The following TBC1D1 variants were observed in gnomAD, a reference collection of about 807,000 sequenced individuals.
The protein encoded by TBC1D1 is TBC1 domain family member 1, also known as TBC1 (tre-2/USP6, BUB2, cdc16) domain family, member 1.
TBC1D1 carries 89 observed loss-of-function variants against 125.6 expected under a neutral mutation model. That is an observed-to-expected ratio of 0.71 (90% CI 0.60 to 0.85). TBC1D1 has a LOEUF of 0.85. TBC1D1 is among the 40% of genes least tolerant of loss of function. The pLI is 0.00. For missense variants in TBC1D1, 1,377 were observed against 1,469.2 expected (o/e 0.94, Z 1.03); for synonymous variants, 565 against 564.1 (o/e 1.00, Z -0.02).
chr4:38,005,011 A>C (rs114745150), intron 2 of TBC1D1, among the ~76,000 whole-genome samples: 1 of 151,566 alleles, frequency 6.6e-6, no homozygotes, highest in African/African-American at 2.4e-5. Flanking sequence ...AGGGAGGGGG[A>C]GGGAGAGAGC....
At chr4:38,012,463 C>T (rs1438450092) in intron 2 of TBC1D1, among the ~76,000 whole-genome samples, 1 of 152,116 alleles carries the variant, frequency 6.6e-6, no homozygotes, top group Non-Finnish European at 1.5e-5. Flanking sequence ...TGTATAGAGA[C>T]GAGGTCTCGC....
At chr4:37,910,954 G>T (rs527671179) in intron 2 of TBC1D1, among the ~76,000 whole-genome samples, 4 of 151,122 alleles carry the variant, frequency 2.6e-5, no homozygotes, top group East Asian at 3.9e-4. Flanking sequence ...AAAAATAAAA[G>T]ATATTTTAAA....
chr4:37,957,140 G>A (rs1208813061), intron 2 of TBC1D1, among the ~76,000 whole-genome samples: 1 of 152,086 alleles, frequency 6.6e-6, no homozygotes, highest in Non-Finnish European at 1.5e-5. Context: ...GAGAACATAA[G>A]CCCCTCATGA....
At chr4:38,066,828 A>G (rs1412627136) in intron 12 of TBC1D1, among the ~76,000 whole-genome samples, 2 of 152,236 alleles carry the variant, frequency 1.3e-5, no homozygotes, top group Non-Finnish European at 2.9e-5. Flanking sequence ...TGAATTTGTT[A>G]TATCACTTCT....
chr4:37,937,200 G>A (rs1311903179), intron 2 of TBC1D1, among the ~76,000 whole-genome samples: 5 of 152,186 alleles, frequency 3.3e-5, no homozygotes, highest in Admixed American at 2.6e-4. Context: ...CTTCGAGACT[G>A]AGAGTCCCAG....
intron 12 of TBC1D1, among the ~76,000 whole-genome samples, chr4:38,063,799 TTA>T (rs1431606791): frequency 2.0e-5 from 3 of 152,190 alleles, no homozygotes; most frequent in Non-Finnish European, 2.9e-5. Flanking sequence ...TGGCTAATTT[TTA>T]TATGTTTACT....
At chr4:37,946,120 T>C (rs189449630) in intron 2 of TBC1D1, among the ~76,000 whole-genome samples, 6 of 152,282 alleles carry the variant, frequency 3.9e-5, no homozygotes, top group Admixed American at 3.9e-4. Context: ...AAAGCAATGA[T>C]CTTTGATATT....
chr4:38,027,531 A>G (rs1745296394), intron 6 of TBC1D1, among the ~76,000 whole-genome samples: 1 of 152,130 alleles, frequency 6.6e-6, no homozygotes, highest in African/African-American at 2.4e-5. Flanking sequence ...GGGGAGGCTG[A>G]AGTGGGAGGA....
chr4:38,132,973 A>G, intron 18 of TBC1D1, 111 bp from the exon 21 acceptor site: 1 of 811,986 alleles, frequency 1.2e-6, no homozygotes, highest in Non-Finnish European at 1.9e-6. Context: ...TGTAGAGCTA[A>G]GCGTAGAGGA....
intron 2 of TBC1D1, among the ~76,000 whole-genome samples, chr4:37,926,117 C>T (rs898840317): frequency 6.6e-6 from 1 of 152,214 alleles, no homozygotes; most frequent in Non-Finnish European, 1.5e-5. Flanking sequence ...TTGGAAGGAA[C>T]ATGTGTACTT....
At chr4:38,013,702 G>A (rs1480369718) in intron 2 of TBC1D1, among the ~76,000 whole-genome samples, 1 of 152,204 alleles carries the variant, frequency 6.6e-6, no homozygotes, top group Non-Finnish European at 1.5e-5. Flanking sequence ...AATGATGAGA[G>A]GATGTAGCAG....
intron 10 of TBC1D1, among the ~76,000 whole-genome samples, chr4:38,047,146 C>T (rs555010946): frequency 6.6e-6 from 1 of 152,274 alleles, no homozygotes; most frequent in South Asian, 2.1e-4. Context: ...TTTTAAAATG[C>T]TCATGGCAAA....
At chr4:37,938,648 A>C (rs542299627) in intron 2 of TBC1D1, among the ~76,000 whole-genome samples, 3 of 152,154 alleles carry the variant, frequency 2.0e-5, no homozygotes, top group Non-Finnish European at 4.4e-5. Flanking sequence ...CGTCATTTAC[A>C]TTAGGTATAT....
intron 2 of TBC1D1, among the ~76,000 whole-genome samples, chr4:38,004,410 A>G (rs1739667375): frequency 6.6e-6 from 1 of 152,224 alleles, no homozygotes; most frequent in South Asian, 2.1e-4. Context: ...CTGGCAGTTT[A>G]TGCAAAGGTT....
rs192322356 is a variant in TBC1D1 at position 37,913,639 on chromosome 4, A to G, written c.417+11127A>G. On this transcript the variant is annotated intron_variant, in intron 2 of 19. Transcript: ENST00000261439. ...TATATATATGTGTGTATATATATAT[A>G]TGTGTGTGTGTGTGTATATATATAT... is the stretch of plus-strand genomic sequence containing the variant. 4.8e-4 allele frequency among the ~76,000 whole-genome samples: 73 copies of G among 150,536 alleles called. No homozygotes were observed. In the East Asian group the frequency reaches 6.0e-3, roughly 12 times the overall value.
intron 2 of TBC1D1, among the ~76,000 whole-genome samples, chr4:37,980,825 G>A (rs1420353389): frequency 6.6e-6 from 1 of 152,078 alleles, no homozygotes; most frequent in African/African-American, 2.4e-5. Flanking sequence ...GGTACTTTTT[G>A]TATATAAGCA....
chr4:38,005,668 G>T (rs1255398591), intron 2 of TBC1D1, among the ~76,000 whole-genome samples: 1 of 152,190 alleles, frequency 6.6e-6, no homozygotes, highest in Non-Finnish European at 1.5e-5. Flanking sequence ...TAGAAATGAA[G>T]TCCTGCCCTC....
intron 13 of TBC1D1, among the ~76,000 whole-genome samples, chr4:38,090,917 T>C (rs1052016354): frequency 6.6e-6 from 1 of 152,248 alleles, no homozygotes; most frequent in African/African-American, 2.4e-5. Flanking sequence ...TCATTCTTGA[T>C]TGCAAATTTT....
chr4:38,083,135 C>T (rs1375064859), intron 12 of TBC1D1, among the ~76,000 whole-genome samples: 1 of 152,138 alleles, frequency 6.6e-6, no homozygotes, highest in Non-Finnish European at 1.5e-5. Flanking sequence ...AGTGGCCTTT[C>T]ATGTGTGTCT....
Sources: allele counts gnomAD v4.1 joint callset (sites outside exome capture counted in the v4.1 genomes callset), GRCh38; gene constraint gnomAD v4.1.1; transcripts MANE v1.5; gene names NCBI Gene and HGNC (gene_info 2026-07-23, HGNC 2026-07-21).